Variants in ZC4H2 observed in about 807,000 individuals in gnomAD.
The protein encoded by ZC4H2 is zinc finger C4H2-type containing.
For missense variants in ZC4H2, 137 were observed against 173.9 expected (o/e 0.79, Z 1.19); for synonymous variants, 84 against 66.3 (o/e 1.27, Z -1.30).
At chrX:64,971,081 A>T (rs1368045688) in intron 1 of ZC4H2, among the ~76,000 whole-genome samples, 1 of 112,566 alleles carries the variant, frequency 8.9e-6, no homozygotes, top group Non-Finnish European at 1.9e-5. Flanking sequence ...GTATGTTGAT[A>T]ATTTCCTTTT....
rs146098820 is a variant in ZC4H2, at chrX:64,935,606, G to A, written c.54-13618C>T. Among the ~76,000 whole-genome samples the A allele has an allele frequency of 2.8e-4, 31 of 112,135 alleles. No individual in the cohort carries two copies. In the East Asian group the frequency reaches 6.2e-3, roughly 23 times the overall value. On this transcript the variant is annotated intron_variant, in intron 1 of 4. Coordinates refer to ENST00000374839, the MANE Select transcript of ZC4H2 (RefSeq NM_018684.4). ...TGGCATCTGGCAGGTGCCCCTCTGGGAGAAAACTTCCAGAGGAAAGAACAG... is the reference window on the plus strand; with the variant it reads ...TGGCATCTGGCAGGTGCCCCTCTGGAAGAAAACTTCCAGAGGAAAGAACAG...
In ZC4H2 at chrX:64,917,073, C is replaced by T. The variant is rs1306134104; in HGVS notation, c.*710G>A. The T allele has an allele frequency of 8.9e-6, 1 of 111,799 alleles. No homozygotes were observed. Among genetic ancestry groups the T allele is most frequent in the East Asian group, 2.8e-4 (1 of 3,529 alleles). 9.2% of individuals were successfully genotyped at this position (111,799 alleles called of 1,213,427 possible). ...TAGAGTTGGTCTGGCTCACTGATTT[C>T]ACTGTGGAAATCTTCTACTAGAATT... On this transcript the variant is annotated 3_prime_UTR_variant, in exon 5 of 5. Transcript: ENST00000374839.
chrX:64,984,795 A>G (rs1932147868), intron 1 of ZC4H2, among the ~76,000 whole-genome samples: 1 of 112,332 alleles, frequency 8.9e-6, no homozygotes, highest in Non-Finnish European at 1.9e-5. Flanking sequence ...GGCTGTTAGC[A>G]TCTTTGTTTG....
intron 1 of ZC4H2, among the ~76,000 whole-genome samples, chrX:64,933,175 A>T (rs1214682109): frequency 9.0e-6 from 1 of 111,474 alleles, no homozygotes; most frequent in Non-Finnish European, 1.9e-5. Flanking sequence ...TGTATTTTGT[A>T]TTTCCCTAAG....
intron 1 of ZC4H2, among the ~76,000 whole-genome samples, chrX:64,933,061 C>A (rs1307445255): frequency 9.0e-6 from 1 of 111,471 alleles, no homozygotes; most frequent in Non-Finnish European, 1.9e-5. Context: ...TTATTTCATT[C>A]TTTTTTATTT....
intron 2 of ZC4H2, among the ~76,000 whole-genome samples, chrX:64,921,416 C>T (rs113302198): frequency 0.018 from 2,047 of 111,731 alleles, 23 homozygotes; most frequent in Non-Finnish European, 0.028. Flanking sequence ...TGGTAGCAGG[C>T]AGAAATGATT....
upstream of ZC4H2, among the ~76,000 whole-genome samples, chrX:64,979,394 C>G (rs1467014737): frequency 8.9e-6 from 1 of 112,614 alleles, no homozygotes; most frequent in African/African-American, 3.2e-5. Flanking sequence ...CATGGGAAAA[C>G]CTGGAGCTTG....
At chrX:64,933,799 C>T (rs1929863406) in intron 1 of ZC4H2, among the ~76,000 whole-genome samples, 1 of 110,954 alleles carries the variant, frequency 9.0e-6, no homozygotes, top group Admixed American at 9.6e-5. Context: ...TTTAATTTTC[C>T]CCCATTTTTA....
At chrX:64,969,929 C>T (rs1018104401) in intron 1 of ZC4H2, among the ~76,000 whole-genome samples, 1 of 111,534 alleles carries the variant, frequency 9.0e-6, no homozygotes, top group African/African-American at 3.3e-5. Flanking sequence ...GTGATACATG[C>T]AAGGGTGTAA....
upstream of ZC4H2, among the ~76,000 whole-genome samples, chrX:64,980,060 G>C (rs1396065603): frequency 8.9e-6 from 1 of 112,232 alleles, no homozygotes; most frequent in African/African-American, 3.2e-5. Context: ...TGCAACAACA[G>C]TCTTGGTTCC....
chrX:64,959,317 GT>G, intron 1 of ZC4H2, among the ~76,000 whole-genome samples: 1 of 104,489 alleles, frequency 9.6e-6, no homozygotes, highest in Non-Finnish European at 2.0e-5. Context: ...AAACTGTCTT[GT>G]TTTAAACACT....
chrX:65,016,894 G>A (rs918198640), intron 1 of ZC4H2, among the ~76,000 whole-genome samples: 6 of 111,918 alleles, frequency 5.4e-5, no homozygotes. Context: ...CCAGCAAAAT[G>A]GAAGGAGGAG....
Position 64,962,488 on chromosome X carries a change from G to T in ZC4H2, c.53+13837C>A, listed in dbSNP as rs1295862260. Among the ~76,000 whole-genome samples, 4 of 111,286 alleles carry T rather than the reference G, an allele frequency of 3.6e-5. No homozygotes were observed. In the East Asian group the frequency reaches 1.1e-3, roughly 32 times the overall value. On this transcript the variant is annotated intron_variant, in intron 1 of 4. Transcript: ENST00000374839. ...TAAAACACTGAAAGATCAGCAAAAA[G>T]ACAAGGATGTCCACTCTTGACATTT...
rs139835244 is a variant in ZC4H2 at position 64,918,902 on chromosome X, C to T, written c.561+140G>A. 1.5e-3 allele frequency: 1,156 copies of T among 759,994 alleles called. 12 individuals carry two copies. In the African/African-American group the frequency reaches 0.021, roughly 14 times the overall value. 62.6% of individuals were successfully genotyped at this position (759,994 alleles called of 1,213,427 possible). A position where few individuals can be genotyped will look rare whatever the true frequency, so the allele number is the denominator to read the frequency against. The stretch of plus-strand genomic sequence containing the variant: ...TGTCCAACACAGCACACCCATGTCA[C>T]CCCTTCCACTGTGTCACAAGCAAAG... On this transcript the variant is annotated intron_variant, in intron 4 of 4. Coordinates refer to ENST00000374839, the MANE Select transcript of ZC4H2 (RefSeq NM_018684.4).
intron 1 of ZC4H2, among the ~76,000 whole-genome samples, chrX:65,017,711 C>A (rs1042256663): frequency 1.8e-5 from 2 of 111,969 alleles, no homozygotes; most frequent in Non-Finnish European, 3.8e-5. Flanking sequence ...TGCAGTGATA[C>A]AAATTCAAGT....
chrX:64,975,787 A>G (rs2147421013), intron 1 of ZC4H2, among the ~76,000 whole-genome samples: 1 of 111,002 alleles, frequency 9.0e-6, no homozygotes, highest in South Asian at 3.9e-4. Flanking sequence ...GATAGGAAGG[A>G]AGAAAGTGGC....
chrX:64,971,608 T>C (rs988284557), intron 1 of ZC4H2, among the ~76,000 whole-genome samples: 12 of 111,578 alleles, frequency 1.1e-4, no homozygotes, highest in Non-Finnish European at 2.1e-4. Flanking sequence ...GATATAAAGC[T>C]GAGATTTATC....
At chrX:65,030,953 C>T (rs1477940015) in intron 1 of ZC4H2, among the ~76,000 whole-genome samples, 2 of 111,326 alleles carry the variant, frequency 1.8e-5, no homozygotes, top group African/African-American at 6.5e-5. Context: ...CTCCACTGTG[C>T]TCCTTGTTTA....
chrX:65,022,690 A>G (rs1259840947), intron 1 of ZC4H2, among the ~76,000 whole-genome samples: 1 of 112,043 alleles, frequency 8.9e-6, no homozygotes, highest in Non-Finnish European at 1.9e-5. Flanking sequence ...GTGAACTCCC[A>G]TTCACAATTG....
Sources: gnomAD v4.1 joint callset for allele counts (sites outside exome capture counted in the v4.1 genomes callset) on GRCh38, gnomAD v4.1.1 for gene constraint, MANE v1.5 for transcripts, NCBI Gene and HGNC (gene_info 2026-07-23, HGNC 2026-07-21) for gene names.